The following NUMA1 variants were observed in gnomAD, a reference collection of about 807,000 sequenced individuals.
NUMA1 encodes the protein nuclear mitotic apparatus protein 1, also known as SP-H antigen.
NUMA1 carries 62 observed loss-of-function variants against 237.1 expected under a neutral mutation model. That is an observed-to-expected ratio of 0.26 (90% confidence interval 0.21 to 0.32). NUMA1 has a LOEUF of 0.32. Among genes scored for constraint, NUMA1 ranks in the 10% least tolerant of loss-of-function variants. The pLI, the probability that NUMA1 is intolerant of heterozygous loss-of-function variation, is 1.00. For synonymous variants in NUMA1, 1,028 were observed against 1,066.1 expected (o/e 0.96, Z 0.70); for missense variants, 2,533 against 2,666.5 (o/e 0.95, Z 1.10).
chr11:72,032,181 T>C (rs923293555), intron 3 of NUMA1, among the ~76,000 whole-genome samples: 6 of 152,052 alleles, frequency 3.9e-5, no homozygotes, highest in African/African-American at 1.4e-4. Flanking sequence ...ATCTTTTAGA[T>C]GAATCCCAGT....
chr11:72,058,256 A>G (rs1208131723), intron 2 of NUMA1, among the ~76,000 whole-genome samples: 1 of 152,176 alleles, frequency 6.6e-6, no homozygotes, highest in South Asian at 2.1e-4. Flanking sequence ...ACAAGATGAG[A>G]AATGGTAACA....
At chr11:72,039,709 C>T (rs1230567967) in intron 2 of NUMA1, 1 of 152,352 alleles carries the variant, frequency 6.6e-6, no homozygotes, top group Non-Finnish European at 1.5e-5. Flanking sequence ...CGCCAGTGCT[C>T]ACTTGCAAAA....
chr11:72,015,895 T>G lies in NUMA1; in HGVS notation c.1608A>C (p.Ala536=), dbSNP rs1937650964. ...QQAKEKQAQL[A]QTLQQQEQAS... is the part of the protein sequence containing the mutation. ...CCTGTTCTTGCTGTTGGAGGGTCTG[T>G]GCTAGCTGGGCCTGCTTCTCTTTGG... The change falls in exon 15 of 27, where the codon GCA becomes GCC. Residue 536 remains alanine (A), a synonymous_variant. Transcript: ENST00000393695. This position sits in a 1 kb window ranked among gnomAD's most constrained non-coding sequence, Gnocchi z 4.0. The G allele has an allele frequency of 6.2e-7, 1 of 1,614,040 alleles. No individual in the cohort carries two copies.
intron 2 of NUMA1, among the ~76,000 whole-genome samples, chr11:72,051,169 T>C (rs1477453783): frequency 6.6e-6 from 1 of 152,146 alleles, no homozygotes; most frequent in Non-Finnish European, 1.5e-5. Context: ...AATTAAACGG[T>C]GTGAGCCACC....
intron 1 of NUMA1, among the ~76,000 whole-genome samples, chr11:72,074,517 C>A (rs1452726598): frequency 6.6e-6 from 1 of 152,004 alleles, no homozygotes; most frequent in Non-Finnish European, 1.5e-5. Context: ...TTTGAGAGAA[C>A]TGCTTGAGCT....
intron 5 of NUMA1, 148 bp downstream of exon 5, chr11:72,024,126 T>G: frequency 1.6e-6 from 1 of 638,924 alleles, no homozygotes; most frequent in South Asian, 1.9e-5. Context: ...CCAGGGGATC[T>G]GAACCAGCTG....
rs1343428687 is a variant in NUMA1, at chr11:72,003,948, G to A, written c.6275C>T (p.Thr2092Ile). 7 of 1,613,640 alleles carry A rather than the reference G, an allele frequency of 4.3e-6. No individual in the cohort carries two copies. The highest frequency in any genetic ancestry group is 5.9e-6 in the Non-Finnish European group (7 of 1,179,792). ...AGCAGTGGCGGCGCTGGCTGTGGTG[G>A]TGGCAATGCGCGGAGAACGGCGGGT... is the stretch of plus-strand genomic sequence containing the variant. The part of the protein sequence containing the change: ...SGTRRSPRIA[T>I]TTASAATAAA... The change falls in exon 26 of 27, where the codon ACC becomes ATC. Residue 2092 changes from threonine (T) to isoleucine (I), a missense_variant. Transcript: ENST00000393695.
intron 13 of NUMA1, 174 bp downstream of exon 13, chr11:72,017,513 T>TAA: frequency 3.3e-6 from 2 of 602,264 alleles, no homozygotes; most frequent in Non-Finnish European, 2.8e-6. Flanking sequence ...AAAAATAAGT[T>TAA]AAAAAAAAAA....
chr11:72,045,088 C>T (rs909454592), intron 2 of NUMA1, among the ~76,000 whole-genome samples: 2 of 152,168 alleles, frequency 1.3e-5, no homozygotes, highest in Non-Finnish European at 2.9e-5. Context: ...GGAAATTCCT[C>T]AAGGGCATAA....
rs1469902726 is a variant in NUMA1, at chr11:72,015,154, T to C, written c.2349A>G (p.Glu783=). Residue 783 remains glutamate, a synonymous_variant, in exon 15 of 27, where the codon GAA becomes GAG. Coordinates refer to ENST00000393695, the MANE Select transcript of NUMA1 (RefSeq NM_006185.4). The surrounding 1 kb of genome is among the most constrained non-coding windows in gnomAD (Gnocchi z 4.0). The stretch of plus-strand genomic sequence containing the variant: ...CCTCTGCCAGCTCCCGCCGCAGGAC[T>C]TCAGTCTCAGCCTGATGGGCCTCCC... ...QLGEAHQAET[E]VLRRELAEAM... The C allele has an allele frequency of 4.3e-6, 7 of 1,613,414 alleles. No individual in the cohort carries two copies. Among genetic ancestry groups the C allele is most frequent in the African/African-American group, 1.3e-5 (1 of 74,940 alleles).
rs971682941 is a variant in NUMA1, at chr11:72,046,062, G to A, written c.-32-10087C>T. Reference sequence around the variant, plus strand: ...GCAAAGCTGCCAAGTTTCTGGGCCAGCTCTTCAGGACAGCCCAAGGAGCCT... The same window carrying A: ...GCAAAGCTGCCAAGTTTCTGGGCCAACTCTTCAGGACAGCCCAAGGAGCCT... On this transcript the variant is annotated intron_variant, in intron 2 of 26. Coordinates refer to ENST00000393695, the MANE Select transcript of NUMA1 (RefSeq NM_006185.4). Among the ~76,000 whole-genome samples the A allele has an allele frequency of 2.0e-5, 3 of 152,194 alleles. No homozygotes were observed. The East Asian group carries it at 5.8e-4, about 29-fold the overall frequency.
chr11:72,039,416 T>C (rs903740743), intron 2 of NUMA1, among the ~76,000 whole-genome samples: 2 of 152,220 alleles, frequency 1.3e-5, no homozygotes, highest in African/African-American at 2.4e-5. Context: ...AGCCACTTAC[T>C]GCCCATCAAG....
chr11:72,033,740 G>A (rs976995478), intron 3 of NUMA1, among the ~76,000 whole-genome samples: 1 of 152,130 alleles, frequency 6.6e-6, no homozygotes, highest in Non-Finnish European at 1.5e-5. Context: ...CTAGTCTTAG[G>A]CCAGGCGCAG....
At position 72,016,528 on chromosome 11, in the gene NUMA1, T is replaced by C. The variant is rs1937781780; in HGVS notation, c.1122A>G (p.Lys374=). 1.2e-6 allele frequency: 2 copies of C among 1,613,772 alleles called. No homozygotes were observed. Among genetic ancestry groups the C allele is most frequent in the Non-Finnish European group, 1.7e-6 (2 of 1,179,910 alleles). The change falls in exon 14 of 27, where the codon AAA becomes AAG. Residue 374 remains lysine, a splice_region_variant and synonymous_variant. Coordinates refer to ENST00000393695, the MANE Select transcript of NUMA1 (RefSeq NM_006185.4). ...GGATTTCGTTCTTCTCTTCAAGGCA[T>C]TTCTGGGAGTAAATGAGACCCATGT... The part of the protein sequence containing the change: ...KELSAALQDK[K]CLEEKNEILQ...
chr11:72,079,527 G>A (rs558064366), intron 1 of NUMA1, among the ~76,000 whole-genome samples: 2 of 150,784 alleles, frequency 1.3e-5, no homozygotes, highest in African/African-American at 2.4e-5. Flanking sequence ...GCGATAGGGC[G>A]AGACTCCGTC....
rs143949849 is a variant in NUMA1, at chr11:72,009,283, C to T, written c.4824G>A (p.Glu1608=). Residue 1608 remains glutamate, a synonymous_variant, in exon 18 of 27, where the codon GAG becomes GAA. Coordinates refer to ENST00000393695, the MANE Select transcript of NUMA1 (RefSeq NM_006185.4). The part of the protein sequence containing the change: ...AQLSQKEQAA[E]HYKLQMEKAK... The stretch of plus-strand genomic sequence containing the variant: ...GGCTCCTTACCTGCAGCTTATAGTG[C>T]TCAGCTGCCTGCTCCTTCTGGCTCA... 1.2e-4 allele frequency: 195 copies of T among 1,613,136 alleles called. No homozygotes were observed. Among genetic ancestry groups the T allele is most frequent in the Non-Finnish European group, 1.6e-4 (189 of 1,179,916 alleles).
chr11:72,044,669 T>C (rs887478886), intron 2 of NUMA1, among the ~76,000 whole-genome samples: 56 of 145,632 alleles, frequency 3.8e-4, no homozygotes, highest in African/African-American at 1.4e-3. Flanking sequence ...TATGTTTGCT[T>C]TTTTTTTTTT....
intron 7 of NUMA1, chr11:72,022,057 C>T (rs530326237): frequency 3.4e-5 from 8 of 235,848 alleles, no homozygotes; most frequent in African/African-American, 1.6e-4. Flanking sequence ...ATAATTTCTA[C>T]GTATTATCCT....
At chr11:72,076,575 T>A (rs1384840092) in intron 1 of NUMA1, 2 of 152,060 alleles carry the variant, frequency 1.3e-5, no homozygotes, top group African/African-American at 2.4e-5. Flanking sequence ...TACCTGAGGT[T>A]GGCAGTTCAA....
Sources: gnomAD v4.1 joint callset for allele counts (sites outside exome capture counted in the v4.1 genomes callset) on GRCh38, gnomAD v4.1.1 for gene constraint, Gnocchi (gnomAD v3.1) non-coding constraint, MANE v1.5 for transcripts, NCBI Gene and HGNC (gene_info 2026-07-23, HGNC 2026-07-21) for gene names.